The following DIXDC1 variants were observed in gnomAD, a reference collection of about 807,000 sequenced individuals.
DIXDC1 encodes the protein DIX domain containing 1, also known as dixin.
DIXDC1 carries 64 observed loss-of-function variants against 103.1 expected under a neutral mutation model. The observed-to-expected ratio is 0.62, with a 90% CI of 0.51 to 0.76. The LOEUF is 0.76. Among genes scored for constraint, DIXDC1 ranks in the 30% least tolerant of loss-of-function variants. The probability of loss-of-function intolerance (pLI) is 0.00; values close to 1 mark genes in which losing one functional copy is unlikely to be tolerated. For synonymous variants in DIXDC1, 266 were observed against 298.5 expected (o/e 0.89, Z 1.12); for missense variants, 759 against 834.2 (o/e 0.91, Z 1.11).
At chr11:111,965,334 C>T (rs1462032255) in intron 2 of DIXDC1, among the ~76,000 whole-genome samples, 1 of 152,060 alleles carries the variant, frequency 6.6e-6, no homozygotes. Context: ...GATTACCTAT[C>T]CTGTGTGATC....
intron 3 of DIXDC1, among the ~76,000 whole-genome samples, chr11:111,969,578 G>A (rs1555171881): frequency 6.6e-6 from 1 of 152,150 alleles, no homozygotes; most frequent in African/African-American, 2.4e-5. Context: ...GGCTTCAAGG[G>A]AGGAACAGTG....
At position 111,992,412 on chromosome 11, in the gene DIXDC1, T is replaced by C. The variant is rs587724926; in HGVS notation, c.1114-3T>C. 5.9e-5 allele frequency: 93 copies of C among 1,570,474 alleles called. 2 individuals carry two copies. The South Asian group carries it at 1.0e-3, about 17-fold the overall frequency. On this transcript the variant is annotated splice_region_variant and splice_polypyrimidine_tract_variant and intron_variant, in intron 10 of 19. Transcript: ENST00000440460. ...ACAATAATTAGTATGCTTTTTCCCCTAGGATGCCTTGCAGCAGAGATTGAC... is the reference window on the plus strand; with the variant it reads ...ACAATAATTAGTATGCTTTTTCCCCCAGGATGCCTTGCAGCAGAGATTGAC...
chr11:111,998,825 C>T lies in DIXDC1; in HGVS notation c.1756+2679C>T, dbSNP rs891735159. Among the ~76,000 whole-genome samples, 1 of 152,194 alleles carries T rather than the reference C, an allele frequency of 6.6e-6. No homozygotes were observed. The highest frequency in any genetic ancestry group is 2.4e-5 in the African/African-American group (1 of 41,448). On this transcript the variant is annotated intron_variant, in intron 17 of 19. Coordinates refer to ENST00000440460, the MANE Select transcript of DIXDC1 (RefSeq NM_001037954.4). The surrounding 1 kb of genome is among the most constrained non-coding windows in gnomAD (Gnocchi z 4.1). ...CTGGGATTACAGGCGTGAGCCACCG[C>T]GCCTGGCCTAGTACTATATTTTTAA...
At position 111,993,704 on chromosome 11, in the gene DIXDC1, C is replaced by T. The variant is rs587760307; in HGVS notation, c.1401C>T (p.Val467=). ...DLERELEHKD[V]LLAHCMKREA... is the part of the protein sequence containing the mutation. ...AGCGAGAGCTAGAACACAAAGATGT[C>T]CTCTTGGCTCACTGTATGAAAAGAG... Residue 467 remains valine, a synonymous_variant, in exon 14 of 20, where the codon GTC becomes GTT. Coordinates refer to ENST00000440460, the MANE Select transcript of DIXDC1 (RefSeq NM_001037954.4). The T allele has an allele frequency of 4.1e-5, 66 of 1,614,038 alleles. No individual in the cohort carries two copies. Among genetic ancestry groups the T allele is most frequent in the Middle Eastern group, 3.3e-4 (2 of 6,062 alleles).
intron 1 of DIXDC1, among the ~76,000 whole-genome samples, chr11:111,951,697 A>G (rs375605548): frequency 6.6e-6 from 1 of 152,102 alleles, no homozygotes; most frequent in African/African-American, 2.4e-5. Flanking sequence ...TGTTCTCATG[A>G]TAGTGAATAA....
At chr11:111,985,094 A>G (rs1860443879) in intron 7 of DIXDC1, 138 bp from the exon 8 acceptor site, 2 of 729,302 alleles carry the variant, frequency 2.7e-6, no homozygotes, top group Non-Finnish European at 4.9e-6. Context: ...GGAAGTATCT[A>G]AGGAGCAAAA....
intron 1 of DIXDC1, chr11:111,929,689 C>T: frequency 5.9e-6 from 3 of 504,460 alleles, no homozygotes; most frequent in Non-Finnish European, 6.9e-6. Context: ...GGTCCTATTT[C>T]TGATACTTCA....
In DIXDC1 at chr11:111,968,287, C is replaced by T. The variant is rs587712829; in HGVS notation, c.191-226C>T. ...AATATTTGCTGACTGAATAAATGTA[C>T]ACACAGTAACTTCACAGACCCCTAA... On this transcript the variant is annotated intron_variant, in intron 2 of 19. Transcript: ENST00000440460. 6.2e-4 allele frequency among the ~76,000 whole-genome samples: 95 copies of T among 152,298 alleles called. 2 individuals are homozygous for T. In the South Asian group the frequency reaches 0.017, roughly 27 times the overall value.
chr11:111,989,162 T>C, intron 10 of DIXDC1, 107 bp downstream of exon 10: 1 of 844,114 alleles, frequency 1.2e-6, no homozygotes, highest in Non-Finnish European at 1.8e-6. Context: ...AATAGCTCTG[T>C]GCTATTGGTA....
At chr11:111,970,274 C>T (rs369957867) in intron 3 of DIXDC1, among the ~76,000 whole-genome samples, 4 of 152,070 alleles carry the variant, frequency 2.6e-5, no homozygotes, top group Admixed American at 1.3e-4. Flanking sequence ...AGCGTGGTCT[C>T]GAACTCCTGA....
chr11:111,930,388 T>G (rs1330258212), intron 2 of DIXDC1, among the ~76,000 whole-genome samples: 1 of 152,104 alleles, frequency 6.6e-6, no homozygotes, highest in Admixed American at 6.6e-5. Context: ...CAAGCAATTC[T>G]CCTGCCCCAG....
chr11:111,930,005 T>A, intron 2 of DIXDC1: 9 of 1,153,140 alleles, frequency 7.8e-6, no homozygotes, highest in Non-Finnish European at 1.1e-5. Context: ...AGGACTCAGA[T>A]CCTGGAACAG....
intron 17 of DIXDC1, among the ~76,000 whole-genome samples, chr11:112,008,808 T>C (rs1861320265): frequency 6.6e-6 from 1 of 152,104 alleles, no homozygotes; most frequent in Admixed American, 6.6e-5. Flanking sequence ...TTTAAAGCAG[T>C]GTGTAGAGGG....
Position 111,974,203 on chromosome 11 carries a change from T to G in DIXDC1, c.497T>G (p.Val166Gly), listed in dbSNP as rs782613317. ...GGAGCAGCTGCTGCTCTGGCCGATG[T>G]GTGTCATGACATGTCCCGATCAGGA... ...AQGAAAALAD[V>G]CHDMSRSGRD... The change falls in exon 4 of 20, where the codon GTG becomes GGG. Residue 166 changes from valine to glycine, a missense_variant. By Grantham distance (109) the Val-to-Gly change is moderately radical. Around this residue, in one of 3 missense-constraint regions of DIXDC1, gnomAD observed 657 missense variants for 727.5 expected, o/e 0.90. Transcript: ENST00000440460. The G allele has an allele frequency of 5.6e-6, 9 of 1,613,856 alleles. No individual in the cohort carries two copies. Among genetic ancestry groups the G allele is most frequent in the Non-Finnish European group, 7.6e-6 (9 of 1,179,876 alleles).
chr11:111,936,935 G>A (rs1555168163), upstream of DIXDC1, among the ~76,000 whole-genome samples: 1 of 151,590 alleles, frequency 6.6e-6, no homozygotes, highest in African/African-American at 2.4e-5. Context: ...GTGTGTGCGC[G>A]CGCGCGGCTG....
intron 17 of DIXDC1, among the ~76,000 whole-genome samples, chr11:112,007,966 C>A (rs1332799604): frequency 6.6e-6 from 1 of 151,962 alleles, no homozygotes; most frequent in African/African-American, 2.4e-5. Context: ...CAATATTAAC[C>A]TTAAATGTAA....
intron 1 of DIXDC1, among the ~76,000 whole-genome samples, chr11:111,952,567 A>G (rs1468529822): frequency 1.3e-5 from 2 of 152,110 alleles, no homozygotes; most frequent in African/African-American, 4.8e-5. Context: ...TCACACCTGT[A>G]ATCCCAGCAC....
intron 17 of DIXDC1, among the ~76,000 whole-genome samples, chr11:112,001,090 C>T (rs936903800): frequency 1.3e-5 from 2 of 152,206 alleles, no homozygotes; most frequent in African/African-American, 2.4e-5. Context: ...CTGGTATATG[C>T]ATACAGTGGA....
intron 5 of DIXDC1, among the ~76,000 whole-genome samples, chr11:111,978,990 T>G (rs138306247): frequency 6.6e-6 from 1 of 152,320 alleles, no homozygotes; most frequent in African/African-American, 2.4e-5. Flanking sequence ...GAAAGATGAA[T>G]AAGAAAGTTC....
Sources: gnomAD v4.1 joint callset for allele counts (sites outside exome capture counted in the v4.1 genomes callset) on GRCh38, gnomAD v4.1.1 for gene constraint, gnomAD v4.1.1 regional missense constraint, Gnocchi (gnomAD v3.1) non-coding constraint, MANE v1.5 for transcripts, NCBI Gene and HGNC (gene_info 2026-07-23, HGNC 2026-07-21) for gene names.